Variants in NBAS observed in about 807,000 individuals in gnomAD.
NBAS encodes NBAS subunit of NRZ tethering complex.
Under a neutral mutation model 302.5 loss-of-function variants are expected in NBAS, and 219 were observed. That is an observed-to-expected ratio of 0.72 (90% CI 0.65 to 0.81). The LOEUF (loss-of-function observed/expected upper bound fraction) is 0.81, where lower values mean the gene tolerates loss of function less well. NBAS is among the 30% of genes least tolerant of loss of function. NBAS has a pLI of 0.00. For missense variants in NBAS, 2,932 were observed against 2,841.6 expected (o/e 1.03, Z -0.72); for synonymous variants, 1,118 against 1,021.6 (o/e 1.09, Z -1.80).
In NBAS at chr2:15,383,294, T is replaced by A. The variant is rs1675132770; in HGVS notation, c.3281A>T (p.His1094Leu). 6 of 1,613,808 alleles carry A rather than the reference T, an allele frequency of 3.7e-6. No homozygotes were observed. The highest frequency in any genetic ancestry group is 5.1e-6 in the Non-Finnish European group (6 of 1,179,872). The part of the protein sequence containing the change: ...GRKQPPVSES[H>L]WRTLLQDMLT... Reference sequence around the variant, plus strand: ...CATGTCTTGCAGCAACGTTCTCCAATGAGACTCACTGACAGGAGGCTGCCT... The same window carrying A: ...CATGTCTTGCAGCAACGTTCTCCAAAGAGACTCACTGACAGGAGGCTGCCT... The change falls in exon 29 of 52, where the codon CAT (histidine) becomes CTT (leucine). Residue 1094 changes from histidine to leucine, a missense_variant. Coordinates refer to ENST00000281513, the MANE Select transcript of NBAS (RefSeq NM_015909.4).
At chr2:15,237,560 A>ATATT (rs35617829) in intron 45 of NBAS, among the ~76,000 whole-genome samples, 5,611 of 139,908 alleles carry the variant, frequency 0.04, 126 homozygotes, top group East Asian at 0.063. Context: ...GAAAATCAAA[A>ATATT]TATTTATTTA....
At chr2:14,892,251 T>C in the NBAS span, among the ~76,000 whole-genome samples, 2 of 151,558 alleles carry the variant, frequency 1.3e-5, no homozygotes, top group African/African-American at 2.4e-5. Flanking sequence ...CAGAGAGATA[T>C]AGAATAAATA....
rs374383911 is a variant in NBAS, at chr2:15,440,556, G to A, written c.2340-12762C>T. 5.3e-5 allele frequency among the ~76,000 whole-genome samples: 8 copies of A among 152,178 alleles called. No individual in the cohort carries two copies. In the South Asian group the frequency reaches 8.3e-4, roughly 16 times the overall value. Reference sequence around the variant, plus strand: ...AAAGTAGATAAAACCACAAAGATGGGGAAAAAACAGAGCAGAAAAACTGGA... The same window carrying A: ...AAAGTAGATAAAACCACAAAGATGGAGAAAAAACAGAGCAGAAAAACTGGA... On this transcript the variant is annotated intron_variant, in intron 21 of 51. Coordinates refer to ENST00000281513, the MANE Select transcript of NBAS (RefSeq NM_015909.4).
intron 44 of NBAS, among the ~76,000 whole-genome samples, chr2:15,259,820 C>A (rs1217732787): frequency 2.0e-5 from 3 of 152,242 alleles, no homozygotes; most frequent in Non-Finnish European, 4.4e-5. Flanking sequence ...CTTTCACACA[C>A]CCCAGTGTTG....
chr2:15,226,305 T>C (rs1174045940), intron 47 of NBAS, among the ~76,000 whole-genome samples: 1 of 152,220 alleles, frequency 6.6e-6, no homozygotes, highest in East Asian at 1.9e-4. Context: ...TGTTTCCTTG[T>C]TTTTAAAATA....
chr2:15,295,306 A>T (rs1670496290), intron 40 of NBAS, among the ~76,000 whole-genome samples: 1 of 152,238 alleles, frequency 6.6e-6, no homozygotes, highest in Non-Finnish European at 1.5e-5. Flanking sequence ...TAATCTGCAG[A>T]AAGTTTTGAG....
chr2:15,038,824 G>C, the NBAS span, among the ~76,000 whole-genome samples: 4 of 152,252 alleles, frequency 2.6e-5, no homozygotes, highest in African/African-American at 9.6e-5. Flanking sequence ...TGGCCAGAGA[G>C]GAAGTGGGAT....
the NBAS span, among the ~76,000 whole-genome samples, chr2:14,780,231 T>G: frequency 6.6e-6 from 1 of 152,222 alleles, no homozygotes; most frequent in East Asian, 1.9e-4. Flanking sequence ...AGATGTGATA[T>G]GAAAAATGAT....
chr2:15,248,376 A>G (rs190863551), intron 44 of NBAS, among the ~76,000 whole-genome samples: 63 of 152,344 alleles, frequency 4.1e-4, no homozygotes, highest in African/African-American at 1.4e-3. Flanking sequence ...TGACACCCTG[A>G]CATCACAATT....
chr2:15,240,250 C>T (rs1353854196), intron 44 of NBAS, among the ~76,000 whole-genome samples: 1 of 151,862 alleles, frequency 6.6e-6, no homozygotes, highest in Non-Finnish European at 1.5e-5. Context: ...AGTGACCACA[C>T]CAGGAGGTAA....
At chr2:15,511,163 C>T (rs774927664) in intron 10 of NBAS, 49 bp downstream of exon 10, 1 of 1,610,436 alleles carries the variant, frequency 6.2e-7, no homozygotes, top group Admixed American at 1.7e-5. Flanking sequence ...AGACAAATAG[C>T]ACAGTGAAAT....
At chr2:15,451,817 C>T (rs945381169) in intron 21 of NBAS, among the ~76,000 whole-genome samples, 5 of 152,056 alleles carry the variant, frequency 3.3e-5, no homozygotes, top group African/African-American at 7.2e-5. Flanking sequence ...AGAGGTTCTT[C>T]GAAGGGATTC....
At chr2:15,103,359 A>C in the NBAS span, among the ~76,000 whole-genome samples, 1 of 152,130 alleles carries the variant, frequency 6.6e-6, no homozygotes, top group Admixed American at 6.6e-5. Flanking sequence ...TAAAATCCAG[A>C]TTTCCAGGCT....
At chr2:15,303,774 T>C (rs1375147865) in intron 40 of NBAS, among the ~76,000 whole-genome samples, 3 of 152,220 alleles carry the variant, frequency 2.0e-5, no homozygotes, top group East Asian at 3.8e-4. Context: ...CCAAGAGAAC[T>C]ACTTTAATTA....
intron 21 of NBAS, among the ~76,000 whole-genome samples, chr2:15,440,032 G>A (rs368755073): frequency 6.6e-6 from 1 of 152,248 alleles, no homozygotes. Flanking sequence ...GCCCACCACA[G>A]CTCAAGGAGG....
At chr2:15,026,083 C>T in the NBAS span, among the ~76,000 whole-genome samples, 137 of 152,002 alleles carry the variant, frequency 9.0e-4, no homozygotes, top group African/African-American at 3.0e-3. Context: ...TCATAGATGG[C>T]CCTTATTATT....
intron 48 of NBAS, 84 bp downstream of exon 48, chr2:15,218,689 C>T: frequency 6.3e-7 from 1 of 1,578,680 alleles, no homozygotes; most frequent in East Asian, 2.2e-5. Context: ...TGGCCTCCCA[C>T]AATGCTGGGA....
the NBAS span, among the ~76,000 whole-genome samples, chr2:14,808,366 C>T: frequency 0.036 from 5,533 of 152,272 alleles, 317 homozygotes; most frequent in African/African-American, 0.13. Context: ...TCTGTATCCC[C>T]ATCCAAACCT....
At chr2:15,418,916 A>G (rs1558320803) in intron 23 of NBAS, among the ~76,000 whole-genome samples, 1 of 152,188 alleles carries the variant, frequency 6.6e-6, no homozygotes, top group Non-Finnish European at 1.5e-5. Flanking sequence ...ACATGTCACA[A>G]ATAGAGCTAC....
Sources: allele counts gnomAD v4.1 joint callset (sites outside exome capture counted in the v4.1 genomes callset), GRCh38; gene constraint gnomAD v4.1.1; transcripts MANE v1.5; gene names NCBI Gene and HGNC (gene_info 2026-07-23, HGNC 2026-07-21).